The following SCAF1 variants were observed in gnomAD, a reference collection of about 807,000 sequenced individuals.
The protein encoded by SCAF1 is splicing factor, arginine/serine-rich 19.
In SCAF1, 28 loss-of-function variants were observed where a neutral mutation model predicts 91.2. That is an observed-to-expected ratio of 0.31 (90% confidence interval 0.23 to 0.42). The LOEUF is 0.42. Ranked by LOEUF, SCAF1 falls within the 10% of genes least tolerant of loss-of-function variation. SCAF1 has a pLI of 1.00. For synonymous variants in SCAF1, 1,036 were observed against 833.7 expected (o/e 1.24, Z -4.18); for missense variants, 1,893 against 1,872.1 (o/e 1.01, Z -0.21).
intron 9 of SCAF1, among the ~76,000 whole-genome samples, chr19:49,655,148 A>G (rs2081131678): frequency 1.3e-5 from 2 of 152,302 alleles, no homozygotes; most frequent in South Asian, 4.1e-4. Flanking sequence ...CCCGCGCTGC[A>G]GCCCACCCCT....
chr19:49,649,112 C>T (rs184896112), intron 6 of SCAF1, among the ~76,000 whole-genome samples: 169 of 152,198 alleles, frequency 1.1e-3, no homozygotes, highest in African/African-American at 3.8e-3. Context: ...AGGGTGTATC[C>T]GGAAGCTAAT....
In SCAF1 at chr19:49,645,021, G is replaced by A. The variant is rs772341215; in HGVS notation, c.-6G>A. On this transcript the variant is annotated splice_region_variant and 5_prime_UTR_variant, in exon 2 of 11. In the 5' UTR this introduces an upstream ATG that the reference lacks. Transcript: ENST00000360565. This position sits in a 1 kb window ranked among gnomAD's most constrained non-coding sequence, Gnocchi z 4.6. The stretch of plus-strand genomic sequence containing the variant: ...CAAACTCTCCCCCCTGGACCCCCAG[G>A]TGACCATGGAGGAAGAAGATGAGTC... 16 of 1,612,644 alleles carry A rather than the reference G, an allele frequency of 9.9e-6. No homozygotes were observed. The highest frequency in any genetic ancestry group is 1.4e-5 in the Non-Finnish European group (16 of 1,178,934).
Position 49,658,334 on chromosome 19 carries a change from C to T in SCAF1, c.3874C>T (p.Arg1292Trp), listed in dbSNP as rs764012931. 2.1e-5 allele frequency: 33 copies of T among 1,587,852 alleles called. No homozygotes were observed. The Admixed American group carries it at 4.5e-4, about 22-fold the overall frequency. Reference sequence around the variant, plus strand: ...GCCAGGGGACCCCCCAGGGCCCCCACGGCCGCCCAAGGAGCCAGGGCCCCC... The same window carrying T: ...GCCAGGGGACCCCCCAGGGCCCCCATGGCCGCCCAAGGAGCCAGGGCCCCC... The part of the protein sequence containing the change: ...RKPGDPPGPP[R>W]PPKEPGPPDK... Residue 1292 changes from arginine (R) to tryptophan (W), a missense_variant, in exon 11 of 11, where the codon CGG becomes TGG. Transcript: ENST00000360565.
chr19:49,645,499 C>T lies in SCAF1; in HGVS notation c.166+88C>T. 1.4e-6 allele frequency: 2 copies of T among 1,412,190 alleles called. No homozygotes were observed. The highest frequency in any genetic ancestry group is 2.0e-6 in the Non-Finnish European group (2 of 1,023,504). The allele number at this position is 1,412,190 out of a possible 1,614,324, so 87.5% of individuals were successfully genotyped here. ...ATTCATACAAGCTTTTCTGAAGCCTCCTGGGTGCCACCCTTGTGCTGGCAT... is the reference window on the plus strand; with the variant it reads ...ATTCATACAAGCTTTTCTGAAGCCTTCTGGGTGCCACCCTTGTGCTGGCAT... On this transcript the variant is annotated intron_variant, in intron 3 of 10. Coordinates refer to ENST00000360565, the MANE Select transcript of SCAF1 (RefSeq NM_021228.3). The surrounding 1 kb of genome is among the most constrained non-coding windows in gnomAD (Gnocchi z 4.6).
At position 49,654,529 on chromosome 19, in the gene SCAF1, A is replaced by G. The variant is rs2081126159; in HGVS notation, c.3399+98A>G. The G allele has an allele frequency of 5.0e-6, 7 of 1,389,140 alleles. No homozygotes were observed. The South Asian group carries it at 7.3e-5, about 15-fold the overall frequency. 86.1% of individuals were successfully genotyped at this position (1,389,140 alleles called of 1,614,324 possible). On this transcript the variant is annotated intron_variant, in intron 8 of 10. Coordinates refer to ENST00000360565, the MANE Select transcript of SCAF1 (RefSeq NM_021228.3). ...GGGCCTGGCAGCTCTGGGGCAAGGT[A>G]TCGGCCTGAAGAGGAGCCTGTTGCC... is the stretch of plus-strand genomic sequence containing the variant.
At chr19:49,648,844 G>C (rs772606839) in intron 6 of SCAF1, among the ~76,000 whole-genome samples, 2 of 151,850 alleles carry the variant, frequency 1.3e-5, no homozygotes. Flanking sequence ...GGTGGCACAC[G>C]CCTCTAGTCC....
chr19:49,644,387 C>T (rs916459302), intron 1 of SCAF1, among the ~76,000 whole-genome samples: 9 of 152,132 alleles, frequency 5.9e-5, no homozygotes, highest in African/African-American at 1.9e-4. Context: ...AGTTTTCCTT[C>T]GGCATGTCTT....
rs539923869 is a variant in SCAF1, at chr19:49,644,896, A to G, written c.-6-125A>G. ...GGTGGAGTGGGAGGAGGTGGAGGAG[A>G]GGAGGGGTGCCAGAGGGGATGCTGA... On this transcript the variant is annotated intron_variant, in intron 1 of 10. Coordinates refer to ENST00000360565, the MANE Select transcript of SCAF1 (RefSeq NM_021228.3). The G allele has an allele frequency of 5.5e-4, 365 of 660,464 alleles. No homozygotes were observed. In the African/African-American group the frequency reaches 6.0e-3, roughly 11 times the overall value. The allele number at this position is 660,464 out of a possible 1,614,324, so 40.9% of individuals were successfully genotyped here.
chr19:49,645,132 C>T lies in SCAF1; in HGVS notation c.106C>T (p.Leu36=). The change falls in exon 2 of 11, where the codon CTG becomes TTG. Residue 36 remains leucine, a splice_region_variant and synonymous_variant. Coordinates refer to ENST00000360565, the MANE Select transcript of SCAF1 (RefSeq NM_021228.3). This position sits in a 1 kb window ranked among gnomAD's most constrained non-coding sequence, Gnocchi z 4.6. The part of the protein sequence containing the change: ...DPTLSPSAFI[L]RAIQQAVGSS... ...CACGCTTTCTCCTTCTGCCTTTATC[C>T]TGGTGAGGCTGCTGGGCTCCTGGCA... 1.9e-6 allele frequency: 3 copies of T among 1,613,264 alleles called. No homozygotes were observed. The highest frequency in any genetic ancestry group is 2.5e-6 in the Non-Finnish European group (3 of 1,179,310).
At position 49,651,683 on chromosome 19, in the gene SCAF1, C is replaced by T; in HGVS notation, c.1294C>T (p.Leu432Phe). The change falls in exon 7 of 11, where the codon CTT becomes TTT. Residue 432 changes from leucine (L) to phenylalanine (F), a missense_variant. Leu to Phe is a conservative substitution (Grantham distance 22). Around this residue, in one of 5 missense-constraint regions of SCAF1, gnomAD observed 1,436 missense variants for 1,306.8 expected, o/e 1.10. Transcript: ENST00000360565. ...CTCGGCCACCCCCACGGCCCAGCCC[C>T]TTCCTCAGCCTCCCGCTCCGCGGGC... ...AASATPTAQPLPQPPAPRAPE... is the reference protein window; with the variant it reads ...AASATPTAQPFPQPPAPRAPE... The T allele has an allele frequency of 7.1e-7, 1 of 1,406,058 alleles. No homozygotes were observed. The highest frequency in any genetic ancestry group is 9.2e-7 in the Non-Finnish European group (1 of 1,092,014). 87.1% of individuals were successfully genotyped at this position (1,406,058 alleles called of 1,614,324 possible).
intron 1 of SCAF1, among the ~76,000 whole-genome samples, chr19:49,643,421 G>T (rs1410263185): frequency 6.6e-6 from 1 of 152,196 alleles, no homozygotes; most frequent in African/African-American, 2.4e-5. Flanking sequence ...GTGCTGTGAA[G>T]AACTATTTTG....
In SCAF1 at chr19:49,646,056, GTC is replaced by G; in HGVS notation, c.167-48_167-47del. 6.6e-7 allele frequency: 1 copy of G among 1,524,954 alleles called. No homozygotes were observed. Among genetic ancestry groups the G allele is most frequent in the Non-Finnish European group, 9.1e-7 (1 of 1,102,580 alleles). 94.5% of individuals were successfully genotyped at this position (1,524,954 alleles called of 1,614,324 possible). A position where few individuals can be genotyped will look rare whatever the true frequency, so the allele number is the denominator to read the frequency against. ...AGCTCCTCTTTCCTCTACCCCGCAA[GTC>G]TCTGCAGCAAGTCCCCTGTGTCCAA... is the stretch of plus-strand genomic sequence containing the variant. On this transcript the variant is annotated intron_variant, in intron 3 of 10. Transcript: ENST00000360565. This position sits in a 1 kb window ranked among gnomAD's most constrained non-coding sequence, Gnocchi z 5.6.
chr19:49,651,023 C>G lies in SCAF1; in HGVS notation c.634C>G (p.Pro212Ala), dbSNP rs1392038653. The G allele has an allele frequency of 6.9e-6, 5 of 721,634 alleles. No individual in the cohort carries two copies. The highest frequency in any genetic ancestry group is 1.1e-5 in the Non-Finnish European group (5 of 463,060). The allele number at this position is 721,634 out of a possible 1,614,324, so 44.7% of individuals were successfully genotyped here. A position where few individuals can be genotyped will look rare whatever the true frequency, so the allele number is the denominator to read the frequency against. ...SSSSPSPPPP[P>A]PPPAPPAPPA... ...TTCCTCCCCTTCCCCTCCCCCACCCCCACCGCCCCCTGCACCCCCAGCCCC... is the reference window on the plus strand; with the variant it reads ...TTCCTCCCCTTCCCCTCCCCCACCCGCACCGCCCCCTGCACCCCCAGCCCC... The change falls in exon 7 of 11, where the codon CCA becomes GCA. Residue 212 changes from proline to alanine, a missense_variant. Pro to Ala is a conservative substitution (Grantham distance 27). This residue lies in a region of SCAF1 where 270 missense variants were observed against 292.5 expected (regional missense o/e 0.92). Transcript: ENST00000360565.
rs765356832 is a variant in SCAF1, at chr19:49,654,782, C to T, written c.3530C>T (p.Ser1177Leu). ...AGCCTCCCTCTGGGGGGCTGCGGTT[C>T]GACCCCCCCCACCCCCACCGGGCTG... ...PGSLPLGGCG[S>L]TPPTPTGLAA... The change falls in exon 9 of 11, where the codon TCG becomes TTG. Residue 1177 changes from serine to leucine, a missense_variant. By Grantham distance (145) the Ser-to-Leu change is moderately radical (BLOSUM62 -2). Coordinates refer to ENST00000360565, the MANE Select transcript of SCAF1 (RefSeq NM_021228.3). 17 of 1,612,808 alleles carry T rather than the reference C, an allele frequency of 1.1e-5. No homozygotes were observed. Among genetic ancestry groups the T allele is most frequent in the East Asian group, 8.9e-5 (4 of 44,878 alleles).
At position 49,657,755 on chromosome 19, in the gene SCAF1, C is replaced by A; in HGVS notation, c.3619-6C>A. 1.3e-6 allele frequency: 2 copies of A among 1,597,348 alleles called. No individual in the cohort carries two copies. Among genetic ancestry groups the A allele is most frequent in the Non-Finnish European group, 1.7e-6 (2 of 1,171,472 alleles). On this transcript the variant is annotated splice_region_variant and splice_polypyrimidine_tract_variant and intron_variant, in intron 9 of 10. Coordinates refer to ENST00000360565, the MANE Select transcript of SCAF1 (RefSeq NM_021228.3). ...GTGTCTTCCCCCGCTGTCGCCACCC[C>A]ACCAGTATCTGAAGAAGCTGCACAC... is the stretch of plus-strand genomic sequence containing the variant.
At position 49,646,517 on chromosome 19, in the gene SCAF1, C is replaced by G. The variant is rs374069357; in HGVS notation, c.262-9C>G. Reference sequence around the variant, plus strand: ...AGGGACGGCGTAGAGCCTCTCTGGCCTCTTCCAGGTGTTGGACATGGCCAC... The same window carrying G: ...AGGGACGGCGTAGAGCCTCTCTGGCGTCTTCCAGGTGTTGGACATGGCCAC... On this transcript the variant is annotated splice_polypyrimidine_tract_variant and intron_variant, in intron 4 of 10. Coordinates refer to ENST00000360565, the MANE Select transcript of SCAF1 (RefSeq NM_021228.3). This position sits in a 1 kb window ranked among gnomAD's most constrained non-coding sequence, Gnocchi z 5.6. The G allele has an allele frequency of 1.2e-6, 2 of 1,613,018 alleles. No individual in the cohort carries two copies. Among genetic ancestry groups the G allele is most frequent in the South Asian group, 1.1e-5 (1 of 91,056 alleles).
intron 1 of SCAF1, among the ~76,000 whole-genome samples, chr19:49,644,324 C>T (rs1435988889): frequency 2.0e-5 from 3 of 152,196 alleles, no homozygotes; most frequent in African/African-American, 7.2e-5. Context: ...AAAGAATTTC[C>T]ATGACATTGC....
At position 49,642,904 on chromosome 19, in the gene SCAF1, C is replaced by A. The variant is rs917439322; in HGVS notation, c.-7+662C>A. Reference sequence around the variant, plus strand: ...GAGATGTACTGAGGGTCTGGGGTCTCCAAGGTATGGGTAGTGTCTAATAAT... The same window carrying A: ...GAGATGTACTGAGGGTCTGGGGTCTACAAGGTATGGGTAGTGTCTAATAAT... On this transcript the variant is annotated intron_variant, in intron 1 of 10. Coordinates refer to ENST00000360565, the MANE Select transcript of SCAF1 (RefSeq NM_021228.3). The surrounding 1 kb of genome is among the most constrained non-coding windows in gnomAD (Gnocchi z 4.0). Among the ~76,000 whole-genome samples the A allele has an allele frequency of 1.6e-4, 24 of 152,246 alleles. No individual in the cohort carries two copies. Among genetic ancestry groups the A allele is most frequent in the African/African-American group, 5.5e-4 (23 of 41,536 alleles).
At position 49,658,419 on chromosome 19, in the gene SCAF1, G is replaced by T; in HGVS notation, c.*20G>T. The T allele has an allele frequency of 6.9e-7, 1 of 1,440,388 alleles. No homozygotes were observed. Among genetic ancestry groups the T allele is most frequent in the South Asian group, 1.2e-5 (1 of 81,188 alleles). 89.2% of individuals were successfully genotyped at this position (1,440,388 alleles called of 1,614,324 possible). A position where few individuals can be genotyped will look rare whatever the true frequency, so the allele number is the denominator to read the frequency against. Reference sequence around the variant, plus strand: ...CTCTGAGAGCCCTGGCCAGCTCTTCGCCCCTCACCTCTTTGAAACTCTGGA... The same window carrying T: ...CTCTGAGAGCCCTGGCCAGCTCTTCTCCCCTCACCTCTTTGAAACTCTGGA... On this transcript the variant is annotated 3_prime_UTR_variant, in exon 11 of 11. Transcript: ENST00000360565.
Sources: allele counts gnomAD v4.1 joint callset (sites outside exome capture counted in the v4.1 genomes callset), GRCh38; gene constraint gnomAD v4.1.1; regional missense constraint gnomAD v4.1.1; non-coding constraint Gnocchi (gnomAD v3.1); transcripts MANE v1.5; gene names NCBI Gene and HGNC (gene_info 2026-07-23, HGNC 2026-07-21).